MYOM2: variants seen among roughly 807,000 people sequenced by gnomAD.
MYOM2 encodes the protein myomesin-2.
In MYOM2, 254 loss-of-function variants were observed where a neutral mutation model predicts 187.6. That is an observed-to-expected ratio of 1.35 (90% confidence interval 1.22 to 1.50). The LOEUF is 1.50. MYOM2 is among the 40% of genes most tolerant of loss of function. MYOM2 has a pLI of 0.00. For missense variants in MYOM2, 2,796 were observed against 1,924.0 expected (o/e 1.45, Z -8.48); for synonymous variants, 981 against 753.8 (o/e 1.30, Z -4.94).
At chr8:2,088,679 G>C (rs1335046196) in intron 14 of MYOM2, among the ~76,000 whole-genome samples, 1 of 152,194 alleles carries the variant, frequency 6.6e-6, no homozygotes, top group Non-Finnish European at 1.5e-5. Context: ...CCATTGCAGG[G>C]TTGAGTCCAT....
At chr8:2,060,322 A>T (rs552138164) in intron 6 of MYOM2, among the ~76,000 whole-genome samples, 55 of 152,296 alleles carry the variant, frequency 3.6e-4, no homozygotes, top group Non-Finnish European at 6.9e-4. Context: ...GAAAACAATT[A>T]TCAAGAGACA....
At chr8:2,140,671 G>A in intron 32 of MYOM2, 52 bp from the exon 33 acceptor site, 1 of 1,585,920 alleles carries the variant, frequency 6.3e-7, no homozygotes, top group Admixed American at 1.7e-5. Context: ...TAGACATTGT[G>A]CGTGTGACAT....
chr8:2,056,119 G>T (rs1818655546), intron 3 of MYOM2, among the ~76,000 whole-genome samples: 1 of 152,160 alleles, frequency 6.6e-6, no homozygotes, highest in South Asian at 2.1e-4. Flanking sequence ...CCTTTCTCCT[G>T]GGAAGGATAA....
At chr8:2,104,089 C>G (rs61710107) in intron 21 of MYOM2, among the ~76,000 whole-genome samples, 13,467 of 152,176 alleles carry the variant, frequency 0.088, 716 homozygotes, top group South Asian at 0.15. Context: ...ATCGTCAAGC[C>G]ACGTGCAGGA....
In MYOM2 at chr8:2,094,067, G is replaced by C. The variant is rs35335787; in HGVS notation, c.2101G>C (p.Val701Leu). 6.2e-7 allele frequency: 1 copy of C among 1,614,106 alleles called. No individual in the cohort carries two copies. Among genetic ancestry groups the C allele is most frequent in the Non-Finnish European group, 8.5e-7 (1 of 1,180,012 alleles). ...GAGTGAAAATTCCCAGGAATCAGAC[G>C]TCATAAAAGTGCAGGCCGCACTCAG... ...GMSENSQESD[V>L]IKVQAALTVP... Residue 701 changes from valine (V) to leucine (L), a missense_variant, in exon 17 of 37, where the codon GTC becomes CTC. Physicochemically the swap from Val to Leu is conservative, Grantham distance 32. Transcript: ENST00000262113.
chr8:2,074,817 C>T (rs1819361316), intron 10 of MYOM2, among the ~76,000 whole-genome samples: 1 of 152,218 alleles, frequency 6.6e-6, no homozygotes, highest in Non-Finnish European at 1.5e-5. Flanking sequence ...TGGGCTGCAC[C>T]TCAGCAGCCT....
chr8:2,099,875 T>C (rs1197393881), intron 19 of MYOM2, among the ~76,000 whole-genome samples: 2 of 152,214 alleles, frequency 1.3e-5, no homozygotes, highest in African/African-American at 4.8e-5. Flanking sequence ...TTCAGAGTGT[T>C]TTCCAATGTT....
intron 8 of MYOM2, among the ~76,000 whole-genome samples, chr8:2,071,883 C>T (rs1050361135): frequency 3.3e-5 from 5 of 152,152 alleles, no homozygotes; most frequent in East Asian, 3.9e-4. Flanking sequence ...CCTCTTCCTC[C>T]TCTTCCAAGG....
chr8:2,085,180 C>A, intron 13 of MYOM2, 83 bp from the exon 14 acceptor site: 1 of 1,516,208 alleles, frequency 6.6e-7, no homozygotes, highest in Non-Finnish European at 8.9e-7. Context: ...ACCCACGTGG[C>A]AGAGTCCTCC....
intron 17 of MYOM2, among the ~76,000 whole-genome samples, chr8:2,095,112 A>G (rs1276419993): frequency 6.6e-6 from 1 of 152,194 alleles, no homozygotes; most frequent in Non-Finnish European, 1.5e-5. Flanking sequence ...ATTAAAATTT[A>G]TCTTCTAATG....
intron 13 of MYOM2, among the ~76,000 whole-genome samples, chr8:2,082,711 C>G (rs1478601113): frequency 6.6e-6 from 1 of 152,204 alleles, no homozygotes; most frequent in Non-Finnish European, 1.5e-5. Flanking sequence ...CGTTTTTACT[C>G]TACTGTTCTA....
chr8:2,057,210 T>C, intron 3 of MYOM2, 138 bp from the exon 4 acceptor site: 1 of 924,020 alleles, frequency 1.1e-6, no homozygotes, highest in Non-Finnish European at 1.6e-6. Context: ...TGAGCAGAAG[T>C]AGCATTTCTC....
At chr8:2,132,462 C>T (rs1217773457) in intron 32 of MYOM2, among the ~76,000 whole-genome samples, 2 of 152,154 alleles carry the variant, frequency 1.3e-5, no homozygotes, top group African/African-American at 4.8e-5. Context: ...AGATTTTGTT[C>T]TCTTACTGAA....
At chr8:2,095,530 A>G (rs1796450681) in intron 17 of MYOM2, among the ~76,000 whole-genome samples, 1 of 152,092 alleles carries the variant, frequency 6.6e-6, no homozygotes, top group Admixed American at 6.5e-5. Context: ...GAGCTTAAGC[A>G]ATCCTCCTGC....
rs1040892678 is a variant in MYOM2 at position 2,143,326 on chromosome 8, T to C, written c.4025-75T>C. The stretch of plus-strand genomic sequence containing the variant: ...TCACCACATTCACCTTGGTACCCAC[T>C]GCTGCTTACATGGCTCCTGCTCCGT... On this transcript the variant is annotated intron_variant, in intron 35 of 36. Coordinates refer to ENST00000262113, the MANE Select transcript of MYOM2 (RefSeq NM_003970.4). 46 of 1,551,446 alleles carry C rather than the reference T, an allele frequency of 3.0e-5. No individual in the cohort carries two copies. The African/African-American group carries it at 4.3e-4, about 15-fold the overall frequency.
chr8:2,083,941 C>G (rs1161448137), intron 13 of MYOM2, among the ~76,000 whole-genome samples: 1 of 152,246 alleles, frequency 6.6e-6, no homozygotes, highest in Non-Finnish European at 1.5e-5. Flanking sequence ...GGCAGCAAGA[C>G]AGTTCCGAAA....
intron 13 of MYOM2, 72 bp downstream of exon 13, chr8:2,079,685 T>C: frequency 6.6e-7 from 1 of 1,514,174 alleles, no homozygotes; most frequent in Non-Finnish European, 9.2e-7. Context: ...ATGGGAGAGA[T>C]GGACAGAGAA....
chr8:2,128,632 C>T (rs569532172), intron 31 of MYOM2, among the ~76,000 whole-genome samples: 118 of 152,258 alleles, frequency 7.7e-4, no homozygotes, highest in African/African-American at 2.6e-3. Context: ...CTTATTGCCC[C>T]TGGGGTTTCT....
intron 25 of MYOM2, among the ~76,000 whole-genome samples, chr8:2,114,385 A>T (rs1234857291): frequency 6.6e-6 from 1 of 152,180 alleles, no homozygotes; most frequent in Non-Finnish European, 1.5e-5. Flanking sequence ...TATCTTAGCA[A>T]CAAGACAGCT....
Sources: allele counts gnomAD v4.1 joint callset (sites outside exome capture counted in the v4.1 genomes callset), GRCh38; gene constraint gnomAD v4.1.1; transcripts MANE v1.5; gene names NCBI Gene and HGNC (gene_info 2026-07-23, HGNC 2026-07-21).